MACF1: variants seen among roughly 807,000 people sequenced by gnomAD.
The protein encoded by MACF1 is microtubule actin crosslinking factor 1.
In MACF1, 193 loss-of-function variants were observed where a neutral mutation model predicts 854.8. That is an observed-to-expected ratio of 0.23 (90% CI 0.20 to 0.25). MACF1 has a LOEUF of 0.25. MACF1 is among the 10% of genes least tolerant of loss of function. MACF1 has a pLI of 1.00. For synonymous variants in MACF1, 3,185 were observed against 3,226.7 expected, an observed-to-expected ratio of 0.99 and a Z score of 0.44; for missense variants, 7,722 against 8,929.1, an observed-to-expected ratio of 0.86 and a Z score of 5.45.
chr1:39,099,345 C>T (rs896796936), intron 2 of MACF1, among the ~76,000 whole-genome samples: 1 of 152,118 alleles, frequency 6.6e-6, no homozygotes, highest in South Asian at 2.1e-4. Context: ...TTAGTAGAGA[C>T]GCGGTTTCAC....
At chr1:39,371,337 AAAAG>A (rs1199229052) in intron 51 of MACF1, among the ~76,000 whole-genome samples, 20 of 151,854 alleles carry the variant, frequency 1.3e-4, no homozygotes, top group African/African-American at 4.6e-4. Context: ...AAAAAAAAAA[AAAAG>A]AGTGATTAAT....
rs1310397146 is a variant in MACF1, at chr1:39,448,035, C to T, written c.19971C>T (p.Phe6657=). Residue 6657 remains phenylalanine (F), a splice_region_variant and synonymous_variant, in exon 83 of 101, where the codon TTC becomes TTT. Coordinates refer to ENST00000564288, the MANE Select transcript of MACF1 (RefSeq NM_001394062.1). The part of the protein sequence containing the change: ...LDDARKRAKQ[F]HEAWKKLIDW... ...ACTTATTTCTTATGTAATTTTAGTT[C>T]CATGAAGCTTGGAAAAAACTGATTG... 6.2e-7 allele frequency: 1 copy of T among 1,613,838 alleles called. No homozygotes were observed. Among genetic ancestry groups the T allele is most frequent in the African/African-American group, 1.3e-5 (1 of 74,964 alleles).
chr1:39,205,012 C>T lies in MACF1; in HGVS notation c.-11C>T, dbSNP rs943213971. The T allele has an allele frequency of 1.7e-5, 12 of 702,796 alleles. No homozygotes were observed. The highest frequency in any genetic ancestry group is 1.6e-4 in the Admixed American group (8 of 49,986). The allele number at this position is 702,796 out of a possible 1,614,324, so 43.5% of individuals were successfully genotyped here. A position where few individuals can be genotyped will look rare whatever the true frequency, so the allele number is the denominator to read the frequency against. On this transcript the variant is annotated 5_prime_UTR_variant, in exon 1 of 101. In the 5' UTR this introduces an upstream ATG that the reference lacks. Transcript: ENST00000564288. The stretch of plus-strand genomic sequence containing the variant: ...GGCTAACTCAAGGGAGGAGAAAGGA[C>T]GGGCCTGGAAATGCCCCTCTTAGAT...
intron 97 of MACF1, among the ~76,000 whole-genome samples, chr1:39,472,499 A>G (rs572110804): frequency 4.6e-5 from 7 of 152,296 alleles, no homozygotes; most frequent in Middle Eastern, 3.4e-3. Flanking sequence ...TTAATTCTTA[A>G]AATTGGCCGC....
chr1:39,255,853 G>T (rs1292678249), intron 5 of MACF1, among the ~76,000 whole-genome samples: 2 of 152,170 alleles, frequency 1.3e-5, no homozygotes, highest in African/African-American at 4.8e-5. Flanking sequence ...GGCCTTACTG[G>T]CAGGGTTTAT....
intron 2 of MACF1, among the ~76,000 whole-genome samples, chr1:39,125,427 G>T (rs978277097): frequency 3.9e-5 from 6 of 152,214 alleles, no homozygotes; most frequent in Non-Finnish European, 8.8e-5. Flanking sequence ...TGTGAGGTTT[G>T]AATAAGATAA....
intron 2 of MACF1, among the ~76,000 whole-genome samples, chr1:39,149,110 ACT>A (rs1643522300): frequency 6.6e-6 from 1 of 152,118 alleles, no homozygotes; most frequent in Non-Finnish European, 1.5e-5. Context: ...GGAGAGGGTG[ACT>A]CTTGAATGCC....
At chr1:39,472,977 G>A (rs967221634) in intron 97 of MACF1, among the ~76,000 whole-genome samples, 1 of 152,226 alleles carries the variant, frequency 6.6e-6, no homozygotes, top group African/African-American at 2.4e-5. Context: ...TGGCATGGCT[G>A]TAGTAACCTG....
At chr1:39,468,855 G>A (rs1644720763) in intron 96 of MACF1, 123 bp downstream of exon 96, 7 of 851,242 alleles carry the variant, frequency 8.2e-6, no homozygotes, top group Admixed American at 2.1e-5. Context: ...CTGCCCAGGT[G>A]TCATCCCACT....
chr1:39,264,178 T>A (rs1645202639), intron 6 of MACF1, among the ~76,000 whole-genome samples: 1 of 152,242 alleles, frequency 6.6e-6, no homozygotes, highest in Admixed American at 6.5e-5. Context: ...AAAACATTCA[T>A]TGCTACAGTG....
At position 39,345,491 on chromosome 1, in the gene MACF1, G is replaced by A. The variant is rs142343827; in HGVS notation, c.10582-1486G>A. On this transcript the variant is annotated intron_variant, in intron 40 of 100. Transcript: ENST00000564288. ...CTGGGCATGGTGGTGCACACGTGTGGTCCCAGCTACTTGGAAGGCTGAGGT... is the reference window on the plus strand; with the variant it reads ...CTGGGCATGGTGGTGCACACGTGTGATCCCAGCTACTTGGAAGGCTGAGGT... Among the ~76,000 whole-genome samples, 19 of 152,214 alleles carry A rather than the reference G, an allele frequency of 1.2e-4. No individual in the cohort carries two copies. The East Asian group carries it at 3.7e-3, about 29-fold the overall frequency.
At chr1:39,285,835 C>A in intron 14 of MACF1, 77 bp downstream of exon 14, 1 of 1,513,360 alleles carries the variant, frequency 6.6e-7, no homozygotes, top group Non-Finnish European at 9.0e-7. Context: ...GAGCAAGAGT[C>A]AGGCACTTAA....
At chr1:39,426,770 T>G (rs776811094) in intron 61 of MACF1, among the ~76,000 whole-genome samples, 97 of 142,036 alleles carry the variant, frequency 6.8e-4, no homozygotes, top group Non-Finnish European at 1.3e-3. Flanking sequence ...TTTTGTTTGG[T>G]TTTTTTTTGG....
rs550650536 is a variant in MACF1, at chr1:39,297,763, G to A, written c.2481+18G>A. ...ACTCCATGGTGGGTGTTGCCTCAGT[G>A]GGGATGATTACTTCTGAGAAAGAGA... On this transcript the variant is annotated intron_variant, in intron 21 of 100. Transcript: ENST00000564288. 1.1e-5 allele frequency: 18 copies of A among 1,613,288 alleles called. No homozygotes were observed. In the East Asian group the frequency reaches 3.6e-4, roughly 32 times the overall value.
chr1:39,424,307 T>C, intron 61 of MACF1, 113 bp downstream of exon 61: 1 of 819,084 alleles, frequency 1.2e-6, no homozygotes, highest in Non-Finnish European at 1.9e-6. Context: ...AGGTGTTTAA[T>C]GGCTTTTATT....
At chr1:39,166,035 C>T (rs1191431215) in intron 2 of MACF1, among the ~76,000 whole-genome samples, 2 of 151,236 alleles carry the variant, frequency 1.3e-5, no homozygotes, top group Non-Finnish European at 2.9e-5. Flanking sequence ...TTATCAGCCC[C>T]ATATAGTTTA....
intron 2 of MACF1, among the ~76,000 whole-genome samples, chr1:39,152,590 T>G (rs1252047434): frequency 6.6e-6 from 1 of 152,176 alleles, no homozygotes; most frequent in Non-Finnish European, 1.5e-5. Flanking sequence ...CCCACAGAAT[T>G]TTATCTTAGA....
intron 2 of MACF1, among the ~76,000 whole-genome samples, chr1:39,092,346 C>T (rs531515006): frequency 2.6e-5 from 4 of 152,240 alleles, no homozygotes; most frequent in South Asian, 4.2e-4. Context: ...TGGGTTCCTC[C>T]GGTGAATAAT....
At chr1:39,444,604 A>C in intron 79 of MACF1, 58 bp from the exon 80 acceptor site, 1 of 1,473,678 alleles carries the variant, frequency 6.8e-7, no homozygotes, top group Non-Finnish European at 9.3e-7. Context: ...CAGAATCTAT[A>C]TGTAGGTGTC....
Sources: gnomAD v4.1 joint callset for allele counts (sites outside exome capture counted in the v4.1 genomes callset) on GRCh38, gnomAD v4.1.1 for gene constraint, MANE v1.5 for transcripts, NCBI Gene and HGNC (gene_info 2026-07-23, HGNC 2026-07-21) for gene names.